ATXN1: variants seen among roughly 807,000 people sequenced by gnomAD.
ATXN1 encodes the protein ataxin 1.
A neutral mutation model predicts 56.4 loss-of-function variants in ATXN1; 8 were observed. The observed-to-expected ratio is 0.14, with a 90% CI of 0.08 to 0.26. The LOEUF is 0.26. ATXN1 is among the 10% of genes least tolerant of loss of function. ATXN1 has a pLI of 1.00. For synonymous variants in ATXN1, 514 were observed against 494.6 expected (o/e 1.04, Z -0.52); for missense variants, 987 against 1,106.5 (o/e 0.89, Z 1.53).
chr6:16,730,487 G>GTATATATATATATATATATATATATA (rs4052880), intron 2 of ATXN1, among the ~76,000 whole-genome samples: 6 of 132,046 alleles, frequency 4.5e-5, no homozygotes, highest in Non-Finnish European at 8.3e-5. Flanking sequence ...AAAACAGTAT[G>GTATATATATATATATATATATATATA]TATATATATA....
chr6:16,393,952 C>CA (rs1317137550), intron 6 of ATXN1, among the ~76,000 whole-genome samples: 6 of 151,056 alleles, frequency 4.0e-5, no homozygotes, highest in Non-Finnish European at 4.4e-5. Context: ...TAGTTTTAAC[C>CA]TATGCTTGGT....
intron 6 of ATXN1, among the ~76,000 whole-genome samples, chr6:16,472,832 G>A (rs969716803): frequency 3.3e-5 from 5 of 152,152 alleles, no homozygotes; most frequent in African/African-American, 1.2e-4. Flanking sequence ...ACCCCTAAAG[G>A]TGCCAGAGCA....
intron 6 of ATXN1, among the ~76,000 whole-genome samples, chr6:16,469,692 G>A (rs922348668): frequency 3.7e-4 from 57 of 152,258 alleles, no homozygotes; most frequent in African/African-American, 1.1e-3. Context: ...GACTGGGTGC[G>A]GTGGCTCATG....
intron 2 of ATXN1, among the ~76,000 whole-genome samples, chr6:16,688,351 G>A (rs1758962899): frequency 6.6e-6 from 1 of 152,182 alleles, no homozygotes; most frequent in African/African-American, 2.4e-5. Flanking sequence ...AACAATAGTT[G>A]AAACAGCCCT....
intron 5 of ATXN1, among the ~76,000 whole-genome samples, chr6:16,496,000 A>G (rs1053248223): frequency 2.0e-5 from 3 of 152,226 alleles, no homozygotes; most frequent in Non-Finnish European, 4.4e-5. Context: ...TTGCCCCCAC[A>G]GAACTTTCCA....
intron 6 of ATXN1, among the ~76,000 whole-genome samples, chr6:16,396,449 A>C (rs1045619692): frequency 3.3e-5 from 5 of 152,170 alleles, no homozygotes; most frequent in African/African-American, 1.2e-4. Context: ...GATATAAAGA[A>C]AGAAAATATT....
At chr6:16,430,109 A>G (rs1759248096) in intron 6 of ATXN1, among the ~76,000 whole-genome samples, 1 of 152,032 alleles carries the variant, frequency 6.6e-6, no homozygotes, top group African/African-American at 2.4e-5. Flanking sequence ...AAGTTTACTG[A>G]TACATTGCTT....
intron 6 of ATXN1, among the ~76,000 whole-genome samples, chr6:16,443,117 G>T (rs1759552161): frequency 6.6e-6 from 1 of 150,390 alleles, no homozygotes; most frequent in African/African-American, 2.5e-5. Flanking sequence ...AAGAGTTCAA[G>T]GCTGCAGTGA....
At chr6:16,625,160 C>G (rs765816468) in intron 3 of ATXN1, among the ~76,000 whole-genome samples, 1 of 152,200 alleles carries the variant, frequency 6.6e-6, no homozygotes, top group Non-Finnish European at 1.5e-5. Context: ...TTCCTTCTTT[C>G]AAAGTTCACC....
At position 16,457,489 on chromosome 6, in the gene ATXN1, T is replaced by G. The variant is rs556970222; in HGVS notation, c.-161+28483A>C. Among the ~76,000 whole-genome samples, 4 of 152,202 alleles carry G rather than the reference T, an allele frequency of 2.6e-5. No individual in the cohort carries two copies. In the East Asian group the frequency reaches 7.7e-4, roughly 29 times the overall value. ...GCATCCTAAGCCATTGGGACCAATT[T>G]GTCCCGCAAACCCTGAAAAAGAAGC... On this transcript the variant is annotated intron_variant, in intron 6 of 7. Coordinates refer to ENST00000436367, the MANE Select transcript of ATXN1 (RefSeq NM_001128164.2).
intron 5 of ATXN1, among the ~76,000 whole-genome samples, chr6:16,508,126 C>A (rs1761014248): frequency 6.6e-6 from 1 of 152,072 alleles, no homozygotes; most frequent in Non-Finnish European, 1.5e-5. Context: ...GGAATGGGCA[C>A]TTGCGGCTTA....
At chr6:16,408,261 G>A (rs528485574) in intron 6 of ATXN1, among the ~76,000 whole-genome samples, 45 of 152,282 alleles carry the variant, frequency 3.0e-4, no homozygotes, top group African/African-American at 1.0e-3. Context: ...TCACAGGGCA[G>A]AAACGGGAGT....
At chr6:16,638,841 A>G (rs748721017) in intron 3 of ATXN1, among the ~76,000 whole-genome samples, 1 of 152,170 alleles carries the variant, frequency 6.6e-6, no homozygotes, top group Non-Finnish European at 1.5e-5. Context: ...GCTTATGGAA[A>G]CCCATCTGCA....
At chr6:16,613,673 A>G (rs1313819805) in intron 3 of ATXN1, among the ~76,000 whole-genome samples, 1 of 151,838 alleles carries the variant, frequency 6.6e-6, no homozygotes, top group Non-Finnish European at 1.5e-5. Flanking sequence ...AAAGTTAAAA[A>G]AGAAAAAGAG....
chr6:16,424,519 T>C (rs2113571026), intron 6 of ATXN1, among the ~76,000 whole-genome samples: 1 of 152,294 alleles, frequency 6.6e-6, no homozygotes, highest in South Asian at 2.1e-4. Context: ...TTCTAGTGTG[T>C]GCACTGCCAG....
chr6:16,433,269 A>G (rs1037581334), intron 6 of ATXN1, among the ~76,000 whole-genome samples: 3 of 152,196 alleles, frequency 2.0e-5, no homozygotes, highest in African/African-American at 7.2e-5. Flanking sequence ...ACTAGTTATT[A>G]GTTCACAGCT....
At chr6:16,494,103 GGACTGAGAGGCATCTCCAGTGCAGGGCT>G (rs1760725828) in intron 5 of ATXN1, among the ~76,000 whole-genome samples, 1 of 8,744 alleles carries the variant, frequency 1.1e-4, no homozygotes, top group Non-Finnish European at 1.7e-4. Context: ...GTGCAGGGCT[GGACTGAGAGGCATCTCCAGTGCAGGGCT>G]GGACTGAGAG....
chr6:16,685,383 G>C (rs1293869553), intron 2 of ATXN1, among the ~76,000 whole-genome samples: 1 of 152,060 alleles, frequency 6.6e-6, no homozygotes, highest in Non-Finnish European at 1.5e-5. Flanking sequence ...TCCCTTTCTG[G>C]GGAGGAACAA....
intron 3 of ATXN1, among the ~76,000 whole-genome samples, chr6:16,605,661 T>A (rs1050270507): frequency 1.3e-5 from 2 of 152,192 alleles, no homozygotes; most frequent in Non-Finnish European, 2.9e-5. Context: ...TTAGAAGAAC[T>A]ACCATCTCTC....
Sources: gnomAD v4.1 joint callset for allele counts (sites outside exome capture counted in the v4.1 genomes callset) on GRCh38, gnomAD v4.1.1 for gene constraint, MANE v1.5 for transcripts, NCBI Gene and HGNC (gene_info 2026-07-23, HGNC 2026-07-21) for gene names.